The following PCDHA12 variants were observed in gnomAD, a reference collection of about 807,000 sequenced individuals.
PCDHA12 encodes the protein protocadherin alpha 12, also known as protocadherin alpha-12.
In PCDHA12, 44 loss-of-function variants were observed where a neutral mutation model predicts 60.0. The observed-to-expected ratio is 0.73, with a 90% CI of 0.58 to 0.94. The LOEUF (loss-of-function observed/expected upper bound fraction) is 0.94. Among genes scored for constraint, PCDHA12 ranks in the 40% least tolerant of loss-of-function variants. The pLI is 0.00. For synonymous variants in PCDHA12, 569 were observed against 553.0 expected (o/e 1.03, Z -0.40); for missense variants, 1,276 against 1,239.7 (o/e 1.03, Z -0.44).
chr5:140,954,271 A>G (rs1284942355), intron 1 of PCDHA12, among the ~76,000 whole-genome samples: 2 of 152,140 alleles, frequency 1.3e-5, no homozygotes, highest in South Asian at 2.1e-4. Context: ...TTATAATAGG[A>G]TGATTTATAT....
chr5:140,884,555 G>C, intron 1 of PCDHA12: 1 of 1,614,098 alleles, frequency 6.2e-7, no homozygotes, highest in Non-Finnish European at 8.5e-7. Context: ...CTCTGGGGAG[G>C]GCCCGCATAA....
At chr5:140,883,237 T>C in intron 1 of PCDHA12, 2 of 1,614,044 alleles carry the variant, frequency 1.2e-6, no homozygotes, top group Non-Finnish European at 1.7e-6. Context: ...TGGAGGCAGT[T>C]GACAAAGGAA....
intron 1 of PCDHA12, among the ~76,000 whole-genome samples, chr5:140,950,208 C>G (rs1377059178): frequency 1.3e-5 from 2 of 151,900 alleles, no homozygotes; most frequent in Non-Finnish European, 2.9e-5. Context: ...TTCTGTTTAC[C>G]TAGTCATTTA....
At chr5:141,008,837 C>T (rs1460664317) in intron 3 of PCDHA12, among the ~76,000 whole-genome samples, 10 of 152,178 alleles carry the variant, frequency 6.6e-5, no homozygotes, top group South Asian at 2.1e-4. Flanking sequence ...CATCCTCTTA[C>T]GCTGTGTATT....
Position 140,959,507 on chromosome 5 carries a change from T to C in PCDHA12, c.2368-19442T>C, listed in dbSNP as rs144994756. 4.4e-3 allele frequency among the ~76,000 whole-genome samples: 673 copies of C among 152,282 alleles called. 7 individuals are homozygous for C. Among genetic ancestry groups the C allele is most frequent in the African/African-American group, 0.015 (604 of 41,550 alleles). On this transcript the variant is annotated intron_variant, in intron 1 of 3. Coordinates refer to ENST00000398631, the MANE Select transcript of PCDHA12 (RefSeq NM_018903.4). Reference sequence around the variant, plus strand: ...GTTATATATGGATCAAACTAAAAAATTTTAAGATCTTTAAGACCATTAATT... The same window carrying C: ...GTTATATATGGATCAAACTAAAAAACTTTAAGATCTTTAAGACCATTAATT...
chr5:140,967,800 TGGCA>T, intron 1 of PCDHA12: 1 of 1,614,174 alleles, frequency 6.2e-7, no homozygotes, highest in Non-Finnish European at 8.5e-7. Context: ...CCAGTGCCCA[TGGCA>T]GGTCACTGCA....
chr5:140,937,588 G>T (rs1414065719), intron 1 of PCDHA12, among the ~76,000 whole-genome samples: 1 of 151,364 alleles, frequency 6.6e-6, no homozygotes, highest in African/African-American at 2.4e-5. Context: ...CTGCACTCTA[G>T]CCTGGGCAAC....
intron 1 of PCDHA12, chr5:140,968,554 A>G (rs782240700): frequency 1.9e-6 from 3 of 1,614,162 alleles, no homozygotes; most frequent in Non-Finnish European, 2.5e-6. Context: ...TGGTGCCTCG[A>G]ACTGCCCCTG....
intron 1 of PCDHA12, among the ~76,000 whole-genome samples, chr5:140,900,463 C>T (rs1319110335): frequency 6.6e-6 from 1 of 152,130 alleles, no homozygotes; most frequent in African/African-American, 2.4e-5. Flanking sequence ...TTTTAGTAGA[C>T]ACGGAGTTTC....
At chr5:140,939,317 A>T (rs2092365663) in intron 1 of PCDHA12, among the ~76,000 whole-genome samples, 1 of 152,148 alleles carries the variant, frequency 6.6e-6, no homozygotes, top group Admixed American at 6.5e-5. Flanking sequence ...CTACCTCCTA[A>T]TATCATAATC....
At chr5:141,003,095 T>C (rs1245011518) in intron 3 of PCDHA12, among the ~76,000 whole-genome samples, 3 of 152,258 alleles carry the variant, frequency 2.0e-5, no homozygotes, top group African/African-American at 7.2e-5. Flanking sequence ...AGGCCTGGCA[T>C]TTGCTTCACA....
In PCDHA12 at chr5:140,876,723, C is replaced by A. The variant is rs782820769; in HGVS notation, c.1251C>A (p.Ser417Arg). The change falls in exon 1 of 4, where the codon AGC becomes AGA. Residue 417 changes from serine to arginine, a missense_variant. Coordinates refer to ENST00000398631, the MANE Select transcript of PCDHA12 (RefSeq NM_018903.4). ...LVLDSALDRE[S>R]VSAYELVVTA... The stretch of plus-strand genomic sequence containing the variant: ...TGGACAGCGCCCTGGACCGCGAGAG[C>A]GTGTCGGCCTATGAGCTGGTGGTGA... The A allele has an allele frequency of 9.3e-6, 15 of 1,614,132 alleles. No individual in the cohort carries two copies. Among genetic ancestry groups the A allele is most frequent in the East Asian group, 2.2e-5 (1 of 44,896 alleles).
rs1386589487 is a variant in PCDHA12 at position 140,876,579 on chromosome 5, T to C, written c.1107T>C (p.Ile369=). ...AGGATGCTCAGGTGGGTACCGTCAT[T>C]GCCCTGATTAGCGTGTCGGATCGTG... ...VQEDAQVGTV[I]ALISVSDRDS... The change falls in exon 1 of 4, where the codon ATT becomes ATC. Residue 369 remains isoleucine, a synonymous_variant. Coordinates refer to ENST00000398631, the MANE Select transcript of PCDHA12 (RefSeq NM_018903.4). 5 of 1,614,104 alleles carry C rather than the reference T, an allele frequency of 3.1e-6. No homozygotes were observed. In the African/African-American group the frequency reaches 5.3e-5, roughly 17 times the overall value.
At chr5:140,917,334 G>T (rs1466426021) in intron 1 of PCDHA12, among the ~76,000 whole-genome samples, 7 of 147,628 alleles carry the variant, frequency 4.7e-5, no homozygotes, top group Admixed American at 4.1e-4. Context: ...CGGGGGAGGG[G>T]GGGGATGGTG....
At position 140,877,303 on chromosome 5, in the gene PCDHA12, T is replaced by G; in HGVS notation, c.1831T>G (p.Leu611Val). 1 of 1,613,850 alleles carries G rather than the reference T, an allele frequency of 6.2e-7. No individual in the cohort carries two copies. The highest frequency in any genetic ancestry group is 1.1e-5 in the South Asian group (1 of 91,076). Residue 611 changes from leucine (L) to valine (V), a missense_variant, in exon 1 of 4, where the codon TTG (leucine) becomes GTG (valine). Leu to Val is a conservative substitution (Grantham distance 32). Transcript: ENST00000398631. ...SGYNAWLSYE[L>V]QPAAVGAHIP... ...CTATAACGCTTGGCTGTCCTACGAG[T>G]TGCAACCGGCGGCGGTCGGCGCGCA... is the stretch of plus-strand genomic sequence containing the variant.
rs1038140347 is a variant in PCDHA12 at position 140,928,220 on chromosome 5, C to T, written c.2367+50381C>T. On this transcript the variant is annotated intron_variant, in intron 1 of 3. Transcript: ENST00000398631. ...GTTGCTGATGTGAATGACAATACAC[C>T]AAACTTTCCTCAACCCCAGCAGGAA... The T allele has an allele frequency of 2.5e-6, 4 of 1,614,048 alleles. No individual in the cohort carries two copies. The Admixed American group carries it at 5.0e-5, about 20-fold the overall frequency.
intron 1 of PCDHA12, among the ~76,000 whole-genome samples, chr5:140,925,685 G>A (rs1584406507): frequency 7.3e-6 from 1 of 137,694 alleles, no homozygotes; most frequent in South Asian, 2.3e-4. Flanking sequence ...ATAAAGCGAG[G>A]GTGGGTATCT....
chr5:140,906,985 G>A (rs1418384427), intron 1 of PCDHA12, among the ~76,000 whole-genome samples: 1 of 152,170 alleles, frequency 6.6e-6, no homozygotes, highest in East Asian at 1.9e-4. Context: ...TCTGGTGGCA[G>A]CATTCCTCCC....
In PCDHA12 at chr5:140,876,257, T is replaced by A. The variant is rs781806447; in HGVS notation, c.785T>A (p.Ile262Asn). The change falls in exon 1 of 4, where the codon ATC becomes AAC. Residue 262 changes from isoleucine (I) to asparagine (N), a missense_variant. Transcript: ENST00000398631. ...AATGTCCAAAACGACACAAGAGTGA[T>A]CCAACTAAATGCTTCCGATCCAGAC... Reference protein sequence around the residue: ...SENVQNDTRVIQLNASDPDEG... With the variant: ...SENVQNDTRVNQLNASDPDEG... 6.2e-7 allele frequency: 1 copy of A among 1,614,000 alleles called. No individual in the cohort carries two copies. The highest frequency in any genetic ancestry group is 8.5e-7 in the Non-Finnish European group (1 of 1,179,898).
Sources: allele counts gnomAD v4.1 joint callset (sites outside exome capture counted in the v4.1 genomes callset), GRCh38; gene constraint gnomAD v4.1.1; transcripts MANE v1.5; gene names NCBI Gene and HGNC (gene_info 2026-07-23, HGNC 2026-07-21).